ANKRD36C: variants seen among roughly 807,000 people sequenced by gnomAD.
The protein encoded by ANKRD36C is ankyrin repeat domain 36C.
In ANKRD36C, 61 loss-of-function variants were observed where a neutral mutation model predicts 276.4. The ratio of observed to expected loss-of-function variants is 0.22; its 90% CI spans 0.18 to 0.27. The LOEUF is 0.27. ANKRD36C is among the 10% of genes least tolerant of loss of function. The probability of loss-of-function intolerance (pLI) is 1.00; values close to 1 mark genes in which losing one functional copy is unlikely to be tolerated. For missense variants in ANKRD36C, 1,447 were observed against 2,032.3 expected, an observed-to-expected ratio of 0.71 and a Z score of 5.54; for synonymous variants, 483 against 680.1, an observed-to-expected ratio of 0.71 and a Z score of 4.51.
chr2:95,986,612 TAGAC>T, intron 3 of ANKRD36C, 135 bp downstream of exon 3: 1 of 1,151,100 alleles, frequency 8.7e-7, no homozygotes, highest in Admixed American at 3.1e-5. Context: ...AGTAAAATCT[TAGAC>T]AGTTAAGGCA....
Position 95,855,433 on chromosome 2 carries a change from C to T in ANKRD36C, c.4828G>A (p.Ala1610Thr), listed in dbSNP as rs1234920121. The change falls in exon 63 of 67, where the codon GCA becomes ACA. Residue 1610 changes from alanine to threonine, a missense_variant. By Grantham distance (58) the Ala-to-Thr change is moderately conservative. Around this residue, in one of 13 missense-constraint regions of ANKRD36C, gnomAD observed 437 missense variants for 641.0 expected, o/e 0.68. Transcript: ENST00000456556. ...CATCTGGCTTGAATATTAAGTATTGCTTTTTCTTGATTGTCAGCTTTGTTG... is the reference window on the plus strand; with the variant it reads ...CATCTGGCTTGAATATTAAGTATTGTTTTTTCTTGATTGTCAGCTTTGTTG... The T allele has an allele frequency of 7.4e-6, 12 of 1,612,920 alleles. No individual in the cohort carries two copies. In the Admixed American group the frequency reaches 1.7e-4, roughly 22 times the overall value.
intron 19 of ANKRD36C, among the ~76,000 whole-genome samples, chr2:95,943,133 G>C (rs373350665): frequency 0.041 from 5,055 of 122,558 alleles, no homozygotes; most frequent in Non-Finnish European, 0.051. Context: ...GAGGGTTCCA[G>C]GTTAAAAATA....
rs967649260 is a variant in ANKRD36C at position 95,987,070 on chromosome 2, AAAAG to A, written c.312+18_312+21del. ...TTCAACCAAATCCATCTCATGCTCA[AAAAG>A]AGTCAGCTACTATGTACCTTGATCA... On this transcript the variant is annotated intron_variant, in intron 2 of 66. Transcript: ENST00000456556. The A allele has an allele frequency of 2.3e-6, 2 of 856,476 alleles. No individual in the cohort carries two copies. The highest frequency in any genetic ancestry group is 2.3e-4 in the African/African-American group (2 of 8,672). 53.1% of individuals were successfully genotyped at this position (856,476 alleles called of 1,614,324 possible).
intron 46 of ANKRD36C, among the ~76,000 whole-genome samples, chr2:95,890,352 A>T (rs1676312203): frequency 6.6e-6 from 1 of 151,544 alleles, no homozygotes; most frequent in South Asian, 2.1e-4. Context: ...GTGCTACAGG[A>T]TCCCACATGT....
intron 36 of ANKRD36C, 125 bp downstream of exon 38, chr2:95,917,730 A>ACTG: frequency 7.9e-7 from 1 of 1,265,026 alleles, no homozygotes; most frequent in Middle Eastern, 2.8e-4. Context: ...GACTCTCAGG[A>ACTG]CTGCTGGATC....
intron 15 of ANKRD36C, 43 bp downstream of exon 15, chr2:95,951,305 A>G: frequency 2.9e-6 from 4 of 1,386,726 alleles, no homozygotes; most frequent in Non-Finnish European, 3.9e-6. Context: ...AAACAAATGA[A>G]GAATCAGTAA....
intron 46 of ANKRD36C, among the ~76,000 whole-genome samples, chr2:95,890,455 T>A (rs1676315361): frequency 6.6e-6 from 1 of 151,550 alleles, no homozygotes; most frequent in East Asian, 2.0e-4. Context: ...GGCACAGAAT[T>A]ACGACATTTC....
chr2:95,953,057 G>T (rs1006016333), intron 14 of ANKRD36C, among the ~76,000 whole-genome samples: 3 of 152,270 alleles, frequency 2.0e-5, no homozygotes, highest in African/African-American at 7.2e-5. Context: ...TGAAATTAAA[G>T]TCTGACCATA....
intron 42 of ANKRD36C, among the ~76,000 whole-genome samples, chr2:95,911,814 A>G (rs1676934872): frequency 6.6e-6 from 1 of 151,404 alleles, no homozygotes; most frequent in African/African-American, 2.4e-5. Flanking sequence ...ATTAATTGCT[A>G]CATCAGGGGT....
intron 60 of ANKRD36C, among the ~76,000 whole-genome samples, chr2:95,861,628 A>T (rs1675585151): frequency 1.3e-5 from 2 of 152,044 alleles, no homozygotes; most frequent in Admixed American, 1.3e-4. Context: ...AATATATATA[A>T]AATTGAATCA....
At chr2:95,868,440 A>G (rs1375768709) in intron 59 of ANKRD36C, among the ~76,000 whole-genome samples, 1 of 151,824 alleles carries the variant, frequency 6.6e-6, no homozygotes, top group African/African-American at 2.4e-5. Context: ...CTCACAACCT[A>G]TTTGTCTTCT....
chr2:95,895,968 G>A (rs527940359), intron 44 of ANKRD36C, among the ~76,000 whole-genome samples: 1 of 149,752 alleles, frequency 6.7e-6, no homozygotes, highest in Admixed American at 6.7e-5. Context: ...TGTCTTTCAT[G>A]CAACAAATCA....
intron 1 of ANKRD36C, among the ~76,000 whole-genome samples, chr2:95,988,160 A>AC (rs1213938369): frequency 1.3e-5 from 2 of 151,848 alleles, no homozygotes; most frequent in Non-Finnish European, 2.9e-5. Flanking sequence ...CAAAAAAAAA[A>AC]AAAACAACAA....
intron 44 of ANKRD36C, among the ~76,000 whole-genome samples, 197 bp from the exon 65 acceptor site, chr2:95,892,057 G>A (rs1436043513): frequency 6.6e-6 from 1 of 151,498 alleles, no homozygotes; most frequent in African/African-American, 2.4e-5. Context: ...ATGAAATATA[G>A]TTTTAGTATT....
At chr2:95,971,587 G>A (rs926090056) in intron 6 of ANKRD36C, among the ~76,000 whole-genome samples, 8 of 151,764 alleles carry the variant, frequency 5.3e-5, no homozygotes, top group Non-Finnish European at 7.4e-5. Flanking sequence ...TACTCAATTT[G>A]AAACACAATA....
At chr2:95,937,271 C>T (rs1393329564) in intron 22 of ANKRD36C, among the ~76,000 whole-genome samples, 1 of 152,258 alleles carries the variant, frequency 6.6e-6, no homozygotes, top group Non-Finnish European at 1.5e-5. Flanking sequence ...AATGCAGCAA[C>T]ATCTTCAGAA....
intron 56 of ANKRD36C, among the ~76,000 whole-genome samples, 196 bp from the exon 77 acceptor site, chr2:95,880,819 C>G (rs553376636): frequency 6.6e-6 from 1 of 152,116 alleles, no homozygotes; most frequent in Non-Finnish European, 1.5e-5. Context: ...GCTTCAAAAA[C>G]ATACAGTTAC....
At chr2:95,879,743 G>C (rs1232410538) in intron 58 of ANKRD36C, among the ~76,000 whole-genome samples, 8 of 151,772 alleles carry the variant, frequency 5.3e-5, no homozygotes, top group Non-Finnish European at 1.2e-4. Flanking sequence ...TTAGCTAAAA[G>C]CCATAATTTT....
At chr2:95,910,881 G>A (rs1374346806) in intron 42 of ANKRD36C, among the ~76,000 whole-genome samples, 1 of 151,418 alleles carries the variant, frequency 6.6e-6, no homozygotes, top group Non-Finnish European at 1.5e-5. Flanking sequence ...AAAATCAGAA[G>A]AGCAACTCAG....
Sources: gnomAD v4.1 joint callset for allele counts (sites outside exome capture counted in the v4.1 genomes callset) on GRCh38, gnomAD v4.1.1 for gene constraint, gnomAD v4.1.1 regional missense constraint, MANE v1.5 for transcripts, NCBI Gene and HGNC (gene_info 2026-07-23, HGNC 2026-07-21) for gene names.